Variants in FAM162A observed in about 807,000 individuals in gnomAD.
FAM162A encodes the protein family with sequence similarity 162 member A.
FAM162A carries 23 observed loss-of-function variants against 21.8 expected under a neutral mutation model. The observed-to-expected ratio is 1.05, with a 90% CI of 0.76 to 1.49. The LOEUF is 1.49. FAM162A is among the 40% of genes most tolerant of loss of function. FAM162A has a pLI of 0.00. For missense variants in FAM162A, 165 were observed against 186.4 expected (o/e 0.89, Z 0.67); for synonymous variants, 53 against 61.3 (o/e 0.86, Z 0.64).
At chr3:122,404,482 C>T in intron 3 of FAM162A, 119 bp downstream of exon 3, 1 of 502,332 alleles carries the variant, frequency 2.0e-6, no homozygotes, top group African/African-American at 2.0e-5. Flanking sequence ...ACATTTTTCA[C>T]TTTTCCAAAT....
intron 1 of FAM162A, among the ~76,000 whole-genome samples, chr3:122,391,031 G>A (rs1165751030): frequency 1.3e-5 from 2 of 152,116 alleles, no homozygotes; most frequent in Admixed American, 6.5e-5. Context: ...TGGCTTGGAC[G>A]TCTGGTCAAT....
At chr3:122,406,009 T>C (rs1174006204) in intron 3 of FAM162A, among the ~76,000 whole-genome samples, 1 of 152,186 alleles carries the variant, frequency 6.6e-6, no homozygotes, top group African/African-American at 2.4e-5. Flanking sequence ...CATCACATTG[T>C]ACATGGCTTC....
intron 1 of FAM162A, among the ~76,000 whole-genome samples, chr3:122,389,398 GATAGATA>G (rs1370977346): frequency 2.1e-5 from 3 of 143,826 alleles, no homozygotes; most frequent in Non-Finnish European, 4.5e-5. Flanking sequence ...TAGATAGATA[GATAGATA>G]GATAGATAGA....
intron 1 of FAM162A, among the ~76,000 whole-genome samples, chr3:122,384,736 C>T (rs1462501721): frequency 2.0e-5 from 3 of 152,184 alleles, no homozygotes; most frequent in African/African-American, 4.8e-5. Flanking sequence ...TCCCAGAAAA[C>T]CTCCAGTCTG....
In FAM162A at chr3:122,402,817, G is replaced by T; in HGVS notation, c.92G>T (p.Ser31Ile). The T allele has an allele frequency of 6.2e-7, 1 of 1,604,246 alleles. No homozygotes were observed. Residue 31 changes from serine (S) to isoleucine (I), a missense_variant, in exon 2 of 5, where the codon AGC becomes ATC. Physicochemically the swap from Ser to Ile is moderately radical, Grantham distance 142. Coordinates refer to ENST00000477892, the MANE Select transcript of FAM162A (RefSeq NM_014367.4). ...DVSSSLRLTRSSDLKRINGFC... is the reference protein window; with the variant it reads ...DVSSSLRLTRISDLKRINGFC... Reference sequence around the variant, plus strand: ...TCCTCATCTCTAAGGCTTACCAGAAGCTCTGATTTGAAGAGAATAAATGGA... The same window carrying T: ...TCCTCATCTCTAAGGCTTACCAGAATCTCTGATTTGAAGAGAATAAATGGA...
At chr3:122,386,966 CA>C (rs2075577240) in intron 1 of FAM162A, among the ~76,000 whole-genome samples, 1 of 152,174 alleles carries the variant, frequency 6.6e-6, no homozygotes, top group Non-Finnish European at 1.5e-5. Flanking sequence ...AGCACTGATA[CA>C]GATGATTAGG....
chr3:122,399,600 G>A (rs546850546), intron 1 of FAM162A, among the ~76,000 whole-genome samples: 55 of 152,280 alleles, frequency 3.6e-4, no homozygotes, highest in African/African-American at 1.3e-3. Flanking sequence ...ACACATTCAT[G>A]TGTCTTCATG....
intron 1 of FAM162A, chr3:122,401,271 T>C: frequency 2.3e-6 from 1 of 427,504 alleles, no homozygotes; most frequent in Non-Finnish European, 3.1e-6. Flanking sequence ...GAATGACTTA[T>C]AATATTCACC....
At chr3:122,389,612 A>G (rs77177791) in intron 1 of FAM162A, among the ~76,000 whole-genome samples, 2,603 of 152,334 alleles carry the variant, frequency 0.017, 31 homozygotes, top group Middle Eastern at 0.027. Context: ...GGGAATTACT[A>G]CATTCAGATT....
At chr3:122,408,686 G>T (rs2107701949) in intron 4 of FAM162A, among the ~76,000 whole-genome samples, 1 of 152,296 alleles carries the variant, frequency 6.6e-6, no homozygotes, top group African/African-American at 2.4e-5. Flanking sequence ...AAAACCAGCA[G>T]AAACATGTGG....
At chr3:122,406,921 AT>A (rs1466892129) in intron 3 of FAM162A, among the ~76,000 whole-genome samples, 1 of 152,034 alleles carries the variant, frequency 6.6e-6, no homozygotes, top group Admixed American at 6.6e-5. Flanking sequence ...CACTTCTAGC[AT>A]TTATAGGCTG....
chr3:122,392,592 C>T (rs965995359), intron 1 of FAM162A, among the ~76,000 whole-genome samples: 10 of 152,152 alleles, frequency 6.6e-5, no homozygotes, highest in African/African-American at 1.9e-4. Context: ...GTTAGAAATG[C>T]GAATTCCCAG....
intron 1 of FAM162A, 109 bp downstream of exon 1, chr3:122,384,408 C>A: frequency 7.6e-7 from 1 of 1,311,712 alleles, no homozygotes; most frequent in Non-Finnish European, 1.1e-6. Flanking sequence ...CCATGACGCA[C>A]TTTCTCGGTT....
At chr3:122,404,650 A>T (rs990733708) in intron 3 of FAM162A, among the ~76,000 whole-genome samples, 1 of 152,192 alleles carries the variant, frequency 6.6e-6, no homozygotes, top group Non-Finnish European at 1.5e-5. Context: ...TGACTTTTTT[A>T]AAGTTTGTTT....
intron 1 of FAM162A, among the ~76,000 whole-genome samples, chr3:122,385,712 T>C (rs1559997881): frequency 6.6e-6 from 1 of 152,162 alleles, no homozygotes; most frequent in African/African-American, 2.4e-5. Context: ...ATTCCTTGAG[T>C]GATTTAAGAA....
chr3:122,408,108 C>G (rs957944817), intron 4 of FAM162A: 2 of 152,192 alleles, frequency 1.3e-5, no homozygotes, highest in African/African-American at 4.8e-5. Flanking sequence ...AGACCCAATT[C>G]AGGTAATAGG....
At chr3:122,395,745 TTAAAA>T (rs2075624110) in intron 1 of FAM162A, among the ~76,000 whole-genome samples, 2 of 152,124 alleles carry the variant, frequency 1.3e-5, no homozygotes, top group Non-Finnish European at 2.9e-5. Context: ...AAACTAATCT[TTAAAA>T]AGAAAAGCCA....
intron 3 of FAM162A, among the ~76,000 whole-genome samples, chr3:122,404,603 A>G (rs542859140): frequency 2.0e-5 from 3 of 152,348 alleles, no homozygotes; most frequent in East Asian, 3.9e-4. Flanking sequence ...TCTGAAGTCA[A>G]TTGATTATTT....
rs1177119607 is a variant in FAM162A, at chr3:122,407,409, C to G, written c.372+20C>G. On this transcript the variant is annotated intron_variant, in intron 4 of 4. Coordinates refer to ENST00000477892, the MANE Select transcript of FAM162A (RefSeq NM_014367.4). ...AAGAAGGTGAGAAGGGGTTTCTTCT[C>G]TATCCAGTATGTATGTTCTCCACCA... 6.4e-7 allele frequency: 1 copy of G among 1,572,222 alleles called. No homozygotes were observed. The highest frequency in any genetic ancestry group is 8.8e-7 in the Non-Finnish European group (1 of 1,141,926).
Sources: allele counts gnomAD v4.1 joint callset (sites outside exome capture counted in the v4.1 genomes callset), GRCh38; gene constraint gnomAD v4.1.1; transcripts MANE v1.5; gene names NCBI Gene and HGNC (gene_info 2026-07-23, HGNC 2026-07-21).